CPNE8: variants seen among roughly 807,000 people sequenced by gnomAD.
CPNE8 encodes the protein copine-8.
A neutral mutation model predicts 81.5 loss-of-function variants in CPNE8; 45 were observed. That is an observed-to-expected ratio of 0.55 (90% CI 0.44 to 0.71). CPNE8 has a LOEUF of 0.71. Ranked by LOEUF, CPNE8 falls within the 30% of genes least tolerant of loss-of-function variation. The pLI, the probability that CPNE8 is intolerant of heterozygous loss-of-function variation, is 0.00. For synonymous variants in CPNE8, 252 were observed against 226.3 expected (o/e 1.11, Z -1.02); for missense variants, 594 against 672.1 (o/e 0.88, Z 1.28).
In CPNE8 at chr12:38,654,067, C is replaced by T; in HGVS notation, c.1510G>A (p.Val504Met). 6.3e-7 allele frequency: 1 copy of T among 1,585,064 alleles called. No homozygotes were observed. The highest frequency in any genetic ancestry group is 8.6e-7 in the Non-Finnish European group (1 of 1,166,382). Residue 504 changes from valine (V) to methionine (M), a missense_variant, in exon 20 of 20, where the codon GTG (valine) becomes ATG (methionine). Physicochemically the swap from Val to Met is conservative, Grantham distance 21 (BLOSUM62 1). Coordinates refer to ENST00000331366, the MANE Select transcript of CPNE8 (RefSeq NM_153634.3). The stretch of plus-strand genomic sequence containing the variant: ...CTGTCAATATAATCCCTGAATGGCA[C>T]AAACTAAAACAGAGACGAAAGAAAG... ...KYAERDIVQF[V>M]PFRDYIDRSG...
At chr12:38,677,379 T>G in intron 17 of CPNE8, 73 bp downstream of exon 17, 1 of 814,122 alleles carries the variant, frequency 1.2e-6, no homozygotes, top group South Asian at 1.4e-5. Context: ...TTAACTAGAA[T>G]AGACTCTAGT....
chr12:38,847,844 A>G (rs1254650012), intron 4 of CPNE8, among the ~76,000 whole-genome samples: 1 of 152,168 alleles, frequency 6.6e-6, no homozygotes, highest in African/African-American at 2.4e-5. Flanking sequence ...ATTTAAAATA[A>G]GACATTTATC....
chr12:38,796,879 G>T (rs187731681), intron 6 of CPNE8, among the ~76,000 whole-genome samples: 1 of 152,146 alleles, frequency 6.6e-6, no homozygotes, highest in African/African-American at 2.4e-5. Context: ...AAAAAATGGC[G>T]CACCAGGAGA....
At chr12:38,658,287 A>G (rs1215777408) in intron 19 of CPNE8, among the ~76,000 whole-genome samples, 1 of 152,200 alleles carries the variant, frequency 6.6e-6, no homozygotes, top group South Asian at 2.1e-4. Context: ...ATCAAGTAGA[A>G]GAAAGGATAT....
chr12:38,899,991 T>C (rs1469292825), intron 1 of CPNE8, among the ~76,000 whole-genome samples: 1 of 152,174 alleles, frequency 6.6e-6, no homozygotes, highest in African/African-American at 2.4e-5. Flanking sequence ...GACAGTAACA[T>C]GTAGTAAAGC....
chr12:38,652,523 T>C lies in CPNE8; in HGVS notation c.*1359A>G, dbSNP rs1483896505. 1 of 152,518 alleles carries C rather than the reference T, an allele frequency of 6.6e-6. No individual in the cohort carries two copies. The highest frequency in any genetic ancestry group is 1.5e-5 in the Non-Finnish European group (1 of 67,988). 9.4% of individuals were successfully genotyped at this position (152,518 alleles called of 1,614,324 possible). ...TCAACTTGGGACAAAGAAAACAATGTACAGTAGAAATAAACCAAGTATTAA... is the reference window on the plus strand; with the variant it reads ...TCAACTTGGGACAAAGAAAACAATGCACAGTAGAAATAAACCAAGTATTAA... On this transcript the variant is annotated 3_prime_UTR_variant, in exon 20 of 20. Transcript: ENST00000331366.
chr12:38,720,733 G>C (rs1434978297), intron 13 of CPNE8: 2 of 152,206 alleles, frequency 1.3e-5, no homozygotes, highest in African/African-American at 4.8e-5. Flanking sequence ...CAGCAAGGAG[G>C]CACAGCCGGG....
intron 3 of CPNE8, among the ~76,000 whole-genome samples, chr12:38,869,844 T>C (rs916263263): frequency 6.6e-6 from 1 of 152,214 alleles, no homozygotes. Flanking sequence ...TTCTTACCAA[T>C]ACTTTTAACT....
intron 13 of CPNE8, among the ~76,000 whole-genome samples, chr12:38,706,688 C>A (rs986136814): frequency 5.3e-5 from 8 of 152,172 alleles, no homozygotes; most frequent in Non-Finnish European, 8.8e-5. Flanking sequence ...GTCTTTGGTT[C>A]AATCTCTGTA....
intron 1 of CPNE8, among the ~76,000 whole-genome samples, chr12:38,899,280 T>C (rs1944427773): frequency 6.6e-6 from 1 of 152,102 alleles, no homozygotes. Context: ...GTGCCTGCCC[T>C]TATGAATGGG....
At chr12:38,904,804 G>A (rs76344827) in intron 1 of CPNE8, among the ~76,000 whole-genome samples, 8,106 of 152,118 alleles carry the variant, frequency 0.053, 687 homozygotes, top group African/African-American at 0.18. Context: ...CAAGCACTCA[G>A]ATGTGGGCCC....
upstream of CPNE8, chr12:38,905,671 G>A (rs563878322): frequency 6.8e-7 from 1 of 1,472,716 alleles, no homozygotes; most frequent in Non-Finnish European, 9.0e-7. Flanking sequence ...CGCGGGATGG[G>A]GGAGGGAAGG....
chr12:38,685,540 T>C lies in CPNE8; in HGVS notation c.1221A>G (p.Val407=). ...CAAAGTTGGTGGGCCCATATAGTTG[T>C]ACAGATTTCAGACTCCTGTAATAAG... The part of the protein sequence containing the change: ...MEAYYRSLKS[V]QLYGPTNFAP... Residue 407 remains valine, a synonymous_variant, in exon 16 of 20, where the codon GTA becomes GTG. Transcript: ENST00000331366. 6.2e-7 allele frequency: 1 copy of C among 1,613,642 alleles called. No individual in the cohort carries two copies. The highest frequency in any genetic ancestry group is 8.5e-7 in the Non-Finnish European group (1 of 1,179,682).
At chr12:38,798,162 A>G (rs1490508788) in intron 6 of CPNE8, among the ~76,000 whole-genome samples, 1 of 152,210 alleles carries the variant, frequency 6.6e-6, no homozygotes, top group East Asian at 1.9e-4. Context: ...CAATCTAGCA[A>G]GGCAGGCCAA....
At chr12:38,767,543 T>C (rs1181270797) in intron 8 of CPNE8, 92 bp downstream of exon 8, 39 of 735,964 alleles carry the variant, frequency 5.3e-5, no homozygotes, top group Non-Finnish European at 7.4e-5. Flanking sequence ...TTTTACTTCA[T>C]TTATCAATTT....
At chr12:38,799,803 C>T (rs951751504) in intron 6 of CPNE8, among the ~76,000 whole-genome samples, 5 of 142,228 alleles carry the variant, frequency 3.5e-5, no homozygotes, top group Admixed American at 7.0e-5. Flanking sequence ...TGTGCGCGCA[C>T]CGTGCGCGAG....
intron 13 of CPNE8, 41 bp from the exon 14 acceptor site, chr12:38,702,962 C>A: frequency 1.5e-6 from 2 of 1,344,492 alleles, no homozygotes; most frequent in South Asian, 2.8e-5. Flanking sequence ...AATGAAATAA[C>A]CTGATAAAAG....
In CPNE8 at chr12:38,851,779, T is replaced by A. The variant is rs549966439; in HGVS notation, c.187-3117A>T. 3.6e-3 allele frequency among the ~76,000 whole-genome samples: 555 copies of A among 152,328 alleles called. 2 individuals are homozygous for A. Among genetic ancestry groups the A allele is most frequent in the African/African-American group, 0.013 (532 of 41,574 alleles). ...TTTTAATGGCTTCCTGTAGTACTTA[T>A]AATAAAATCTCTTTTCTTTGGTCTA... On this transcript the variant is annotated intron_variant, in intron 3 of 19. Coordinates refer to ENST00000331366, the MANE Select transcript of CPNE8 (RefSeq NM_153634.3).
chr12:38,905,808 C>T (rs946542560), upstream of CPNE8: 3 of 985,204 alleles, frequency 3.0e-6, no homozygotes, highest in Admixed American at 6.1e-5. Flanking sequence ...GGCAGCAGCC[C>T]GGGCGGGGGA....
Sources: allele counts gnomAD v4.1 joint callset (sites outside exome capture counted in the v4.1 genomes callset), GRCh38; gene constraint gnomAD v4.1.1; transcripts MANE v1.5; gene names NCBI Gene and HGNC (gene_info 2026-07-23, HGNC 2026-07-21).